The following YIPF7 variants were observed in gnomAD, a reference collection of about 807,000 sequenced individuals.
The protein encoded by YIPF7 is protein YIPF7.
A neutral mutation model predicts 27.2 loss-of-function variants in YIPF7; 35 were observed. That is an observed-to-expected ratio of 1.29 (90% CI 0.98 to 1.70). The LOEUF is 1.70. YIPF7 is among the 40% of genes most tolerant of loss of function. The pLI, the probability that YIPF7 is intolerant of heterozygous loss-of-function variation, is 0.00. For synonymous variants in YIPF7, 137 were observed against 110.4 expected (o/e 1.24, Z -1.51); for missense variants, 358 against 303.7 (o/e 1.18, Z -1.33).
intron 3 of YIPF7, among the ~76,000 whole-genome samples, chr4:44,630,660 A>AT (rs954035596): frequency 7.2e-5 from 11 of 151,992 alleles, no homozygotes; most frequent in African/African-American, 2.2e-4. Context: ...GAAACTTCTG[A>AT]TTTTTTTTCT....
At chr4:44,623,958 A>G (rs1712528170) in intron 5 of YIPF7, among the ~76,000 whole-genome samples, 1 of 152,164 alleles carries the variant, frequency 6.6e-6, no homozygotes, top group Non-Finnish European at 1.5e-5. Flanking sequence ...CTCTTCCAAA[A>G]TCAAACAAGT....
chr4:44,632,657 A>G (rs893494866), intron 3 of YIPF7, among the ~76,000 whole-genome samples: 6 of 152,184 alleles, frequency 3.9e-5, no homozygotes, highest in Admixed American at 3.3e-4. Flanking sequence ...ATTCTGTTGG[A>G]TTGTCAATAA....
intron 2 of YIPF7, among the ~76,000 whole-genome samples, chr4:44,638,555 T>A (rs34959704): frequency 0.51 from 77,868 of 151,962 alleles, 21,307 homozygotes; most frequent in Non-Finnish European, 0.62. Flanking sequence ...TGTTTCAGGG[T>A]TTTTGGCTGT....
intron 1 of YIPF7, among the ~76,000 whole-genome samples, chr4:44,650,507 G>GCACACACACACACA (rs3040316): frequency 3.6e-4 from 49 of 137,178 alleles, no homozygotes; most frequent in African/African-American, 1.0e-3. Context: ...GCGCGCGCGC[G>GCACACACACACACA]CACACACACA....
intron 2 of YIPF7, among the ~76,000 whole-genome samples, chr4:44,647,728 C>T (rs375301168): frequency 2.0e-5 from 3 of 152,194 alleles, no homozygotes; most frequent in South Asian, 2.1e-4. Context: ...ATACCTTTCC[C>T]TATCATGAAA....
chr4:44,636,786 C>T (rs930717556), intron 2 of YIPF7, among the ~76,000 whole-genome samples: 4 of 151,806 alleles, frequency 2.6e-5, no homozygotes, highest in South Asian at 2.1e-4. Flanking sequence ...TTATGGGGTA[C>T]GTATAAAATT....
At chr4:44,661,453 A>C (rs1212574882) in intron 1 of YIPF7, among the ~76,000 whole-genome samples, 1 of 152,248 alleles carries the variant, frequency 6.6e-6, no homozygotes, top group Admixed American at 6.5e-5. Context: ...TTGATCCATA[A>C]GAAACTCAAA....
At chr4:44,647,600 T>TC (rs1174009092) in intron 2 of YIPF7, among the ~76,000 whole-genome samples, 1 of 152,094 alleles carries the variant, frequency 6.6e-6, no homozygotes, top group Admixed American at 6.6e-5. Context: ...TTTTTCACCT[T>TC]CCAAAGTGTA....
At chr4:44,646,379 G>A (rs1476481077) in intron 2 of YIPF7, among the ~76,000 whole-genome samples, 2 of 152,106 alleles carry the variant, frequency 1.3e-5, no homozygotes, top group African/African-American at 4.8e-5. Flanking sequence ...TGCCTTAACT[G>A]TGTTTGAAAT....
rs1351264225 is a variant in YIPF7 at position 44,624,676 on chromosome 4, C to G, written c.533G>C (p.Cys178Ser). The change falls in exon 5 of 6, where the codon TGT (cysteine) becomes TCT (serine). Residue 178 changes from cysteine to serine, a missense_variant. By Grantham distance (112) the Cys-to-Ser change is moderately radical (BLOSUM62 -1). Coordinates refer to ENST00000415895, the MANE Select transcript of YIPF7 (RefSeq NM_182592.3). ...LMSSSGVSYGCVASVLGYCLL... is the reference protein window; with the variant it reads ...LMSSSGVSYGSVASVLGYCLL... ...GCAGTAACCCAGCACGCTGGCCACA[C>G]AGCCGTACGACACCCCTGAAGAGCT... 6.2e-7 allele frequency: 1 copy of G among 1,607,736 alleles called. No homozygotes were observed. The highest frequency in any genetic ancestry group is 2.2e-5 in the East Asian group (1 of 44,560).
chr4:44,652,287 C>T (rs1228713211), upstream of YIPF7, among the ~76,000 whole-genome samples: 1 of 152,154 alleles, frequency 6.6e-6, no homozygotes, highest in African/African-American at 2.4e-5. Flanking sequence ...CTGCTGGGAG[C>T]CTACTTTCTG....
At chr4:44,627,189 G>T (rs984191399) in intron 4 of YIPF7, among the ~76,000 whole-genome samples, 2 of 151,968 alleles carry the variant, frequency 1.3e-5, no homozygotes, top group South Asian at 2.1e-4. Flanking sequence ...AAAGTTACAT[G>T]GAGCAAAAGT....
upstream of YIPF7, among the ~76,000 whole-genome samples, chr4:44,652,613 A>G (rs1713769343): frequency 6.6e-6 from 1 of 152,194 alleles, no homozygotes; most frequent in Non-Finnish European, 1.5e-5. Flanking sequence ...TTACATCACT[A>G]GTCAGGCAAC....
chr4:44,658,928 G>C (rs1220777348), intron 2 of YIPF7, among the ~76,000 whole-genome samples: 2 of 152,122 alleles, frequency 1.3e-5, no homozygotes, highest in Non-Finnish European at 2.9e-5. Context: ...GGAATTATGG[G>C]AGCTACAATT....
intron 4 of YIPF7, 39 bp from the exon 5 acceptor site, chr4:44,624,821 T>G (rs1264755932): frequency 6.4e-7 from 1 of 1,555,282 alleles, no homozygotes; most frequent in Non-Finnish European, 8.7e-7. Context: ...GAACACACAA[T>G]GGACACCGAG....
chr4:44,623,576 G>T (rs964140944), intron 5 of YIPF7, among the ~76,000 whole-genome samples: 3 of 152,122 alleles, frequency 2.0e-5, no homozygotes, highest in Admixed American at 1.3e-4. Flanking sequence ...CAAGTGAAAA[G>T]CTCCACAGTA....
At chr4:44,651,985 G>A (rs1388311), upstream of YIPF7, among the ~76,000 whole-genome samples, 6,919 of 152,238 alleles carry the variant, frequency 0.045, 229 homozygotes, top group Non-Finnish European at 0.074. Flanking sequence ...TTATGTAGAA[G>A]ATCTCAGCAC....
At chr4:44,636,157 T>C in intron 2 of YIPF7, 72 bp from the exon 3 acceptor site, 1 of 1,431,292 alleles carries the variant, frequency 7.0e-7, no homozygotes, top group African/African-American at 1.4e-5. Flanking sequence ...AAAATTACAA[T>C]TTTACTTACA....
At chr4:44,655,585 T>C (rs760347881), upstream of YIPF7, among the ~76,000 whole-genome samples, 1 of 152,038 alleles carries the variant, frequency 6.6e-6, no homozygotes, top group South Asian at 2.1e-4. Flanking sequence ...TTTCTACCTC[T>C]GCTGACAGAG....
Sources: allele counts gnomAD v4.1 joint callset (sites outside exome capture counted in the v4.1 genomes callset), GRCh38; gene constraint gnomAD v4.1.1; transcripts MANE v1.5; gene names NCBI Gene and HGNC (gene_info 2026-07-23, HGNC 2026-07-21).